The following PFDN5 variants were observed in gnomAD, a reference collection of about 807,000 sequenced individuals.
PFDN5 encodes c-myc binding protein.
PFDN5 carries 13 observed loss-of-function variants against 21.5 expected under a neutral mutation model. The observed-to-expected ratio is 0.60, with a 90% CI of 0.39 to 0.96. PFDN5 has a LOEUF of 0.96. Among genes scored for constraint, PFDN5 ranks in the 40% least tolerant of loss-of-function variants. The probability of loss-of-function intolerance (pLI) is 0.00; values close to 1 mark genes in which losing one functional copy is unlikely to be tolerated. For synonymous variants in PFDN5, 84 were observed against 68.9 expected (o/e 1.22, Z -1.08); for missense variants, 188 against 186.2 (o/e 1.01, Z -0.06).
chr12:53,298,837 TA>T, intron 5 of PFDN5: 1 of 174,176 alleles, frequency 5.7e-6, no homozygotes, highest in Non-Finnish European at 1.2e-5. Flanking sequence ...ATCACTGAGT[TA>T]AAGTTTTATT....
chr12:53,297,807 C>G, intron 3 of PFDN5, 43 bp from the exon 4 acceptor site: 1 of 1,454,270 alleles, frequency 6.9e-7, no homozygotes. Context: ...AATCATGGCT[C>G]ATGCTGGGCT....
rs112082696 is a variant in PFDN5 at position 53,295,741 on chromosome 12, G to A, written c.73-98G>A. 3.8e-3 allele frequency: 4,940 copies of A among 1,297,148 alleles called. 145 individuals are homozygous for A. The African/African-American group carries it at 0.065, about 17-fold the overall frequency. 80.4% of individuals were successfully genotyped at this position (1,297,148 alleles called of 1,614,324 possible). A position where few individuals can be genotyped will look rare whatever the true frequency, so the allele number is the denominator to read the frequency against. ...CAAGTTGGCAGCCTACCTTTCCCAG[G>A]CGAAACCTCTATCCGATCCCAGGAC... is the stretch of plus-strand genomic sequence containing the variant. On this transcript the variant is annotated intron_variant, in intron 1 of 5. Transcript: ENST00000334478.
intron 3 of PFDN5, 152 bp from the exon 4 acceptor site, chr12:53,297,698 T>G (rs1246298680): frequency 1.6e-6 from 1 of 630,266 alleles, no homozygotes; most frequent in African/African-American, 1.8e-5. Flanking sequence ...CATTTGGAGT[T>G]ATAGGTATTG....
rs1274039225 is a variant in PFDN5 at position 53,296,289 on chromosome 12, A to G, written c.207+14A>G. ...CTGACGAGTTCTGTATCCTTTCCAC[A>G]GGAACGGCTACCTGCTGCCTTCTCC... On this transcript the variant is annotated intron_variant, in intron 3 of 5. Transcript: ENST00000334478. 1 of 1,598,392 alleles carries G rather than the reference A, an allele frequency of 6.3e-7. No homozygotes were observed. Among genetic ancestry groups the G allele is most frequent in the Admixed American group, 1.7e-5 (1 of 59,208 alleles).
Position 53,298,922 on chromosome 12 carries a change from G to A in PFDN5, c.389-347G>A, listed in dbSNP as rs898162028. 2.3e-5 allele frequency: 5 copies of A among 222,146 alleles called. No individual in the cohort carries two copies. The East Asian group carries it at 6.7e-4, about 30-fold the overall frequency. 13.8% of individuals were successfully genotyped at this position (222,146 alleles called of 1,614,324 possible). A position where few individuals can be genotyped will look rare whatever the true frequency, so the allele number is the denominator to read the frequency against. Reference sequence around the variant, plus strand: ...AGGCCAAGGCAGGTGGATCACCTGAGGTTAGGAGTTCAAGACCAGCCTGGC... The same window carrying A: ...AGGCCAAGGCAGGTGGATCACCTGAAGTTAGGAGTTCAAGACCAGCCTGGC... On this transcript the variant is annotated intron_variant, in intron 5 of 5. Transcript: ENST00000334478.
At chr12:53,297,318 A>C (rs747696485) in intron 3 of PFDN5, 4 of 155,276 alleles carry the variant, frequency 2.6e-5, no homozygotes, top group East Asian at 1.9e-4. Flanking sequence ...AATCCCAGCT[A>C]CTCCGGCGAC....
chr12:53,298,169 A>T lies in PFDN5; in HGVS notation c.388+19A>T, dbSNP rs371441669. The stretch of plus-strand genomic sequence containing the variant: ...AAACAGGGTAAGTTTTTCCTGGGGC[A>T]CCTCTTGACCCTATCTCCATAATAA... On this transcript the variant is annotated intron_variant, in intron 5 of 5. Coordinates refer to ENST00000334478, the MANE Select transcript of PFDN5 (RefSeq NM_002624.4). 12 of 1,435,880 alleles carry T rather than the reference A, an allele frequency of 8.4e-6. No individual in the cohort carries two copies. Among genetic ancestry groups the T allele is most frequent in the Non-Finnish European group, 1.2e-5 (12 of 1,017,342 alleles). The allele number at this position is 1,435,880 out of a possible 1,614,324, so 88.9% of individuals were successfully genotyped here.
At chr12:53,296,168 C>T (rs2121030695) in intron 2 of PFDN5, 76 bp from the exon 3 acceptor site, 2 of 1,266,974 alleles carry the variant, frequency 1.6e-6, no homozygotes, top group East Asian at 2.4e-5. Context: ...GTGCTGTGCC[C>T]TGTTGGAACT....
At chr12:53,295,768 T>C (rs1944142168) in intron 1 of PFDN5, 71 bp from the exon 2 acceptor site, 1 of 1,245,060 alleles carries the variant, frequency 8.0e-7, no homozygotes, top group Non-Finnish European at 1.2e-6. Context: ...TCCCAGGACC[T>C]GCCCCCTCCC....
chr12:53,296,906 C>T (rs557581337), intron 3 of PFDN5: 53 of 154,978 alleles, frequency 3.4e-4, no homozygotes, highest in African/African-American at 1.2e-3. Context: ...AGGCAATAGA[C>T]AAAAATAGGA....
rs1405319244 is a variant in PFDN5, at chr12:53,297,814, G to T, written c.208-36G>T. The T allele has an allele frequency of 3.3e-6, 5 of 1,507,712 alleles. No homozygotes were observed. In the East Asian group the frequency reaches 1.1e-4, roughly 34 times the overall value. 93.4% of individuals were successfully genotyped at this position (1,507,712 alleles called of 1,614,324 possible). A position where few individuals can be genotyped will look rare whatever the true frequency, so the allele number is the denominator to read the frequency against. On this transcript the variant is annotated intron_variant, in intron 3 of 5. Coordinates refer to ENST00000334478, the MANE Select transcript of PFDN5 (RefSeq NM_002624.4). ...GCTGGCGGAATCATGGCTCATGCTGGGCTGGCTAGTTTTTCCCTTAATTCT... is the reference window on the plus strand; with the variant it reads ...GCTGGCGGAATCATGGCTCATGCTGTGCTGGCTAGTTTTTCCCTTAATTCT...
intron 1 of PFDN5, 60 bp from the exon 2 acceptor site, chr12:53,295,779 C>T (rs1024606141): frequency 1.6e-6 from 2 of 1,278,070 alleles, no homozygotes; most frequent in Middle Eastern, 1.8e-4. Flanking sequence ...GCCCCCTCCC[C>T]GGCCGCGCTC....
chr12:53,297,344 G>A (rs1451092709), intron 3 of PFDN5: 1 of 157,856 alleles, frequency 6.3e-6, no homozygotes, highest in Non-Finnish European at 1.4e-5. Flanking sequence ...CAGGAGAATT[G>A]CTTTAACCCG....
At chr12:53,296,118 C>T in intron 2 of PFDN5, 126 bp from the exon 3 acceptor site, 2 of 843,490 alleles carry the variant, frequency 2.4e-6, no homozygotes, top group Non-Finnish European at 4.0e-6. Context: ...TTCCTCTGCT[C>T]CTATTGCCCC....
At chr12:53,298,263 T>C in intron 5 of PFDN5, 113 bp downstream of exon 5, 1 of 702,560 alleles carries the variant, frequency 1.4e-6, no homozygotes, top group South Asian at 1.6e-5. Flanking sequence ...TCTTAGTTTC[T>C]CTTTGGCATC....
Position 53,299,299 on chromosome 12 carries a change from A to T in PFDN5, c.419A>T (p.Gln140Leu), listed in dbSNP as rs769380104. The change falls in exon 6 of 6, where the codon CAG (glutamine) becomes CTG (leucine). Residue 140 changes from glutamine to leucine, a missense_variant. Gln to Leu is a moderately radical substitution (Grantham distance 113). Coordinates refer to ENST00000334478, the MANE Select transcript of PFDN5 (RefSeq NM_002624.4). Reference sequence around the variant, plus strand: ...ATGGAAATGATGAGTCAGAAGATTCAGCAGCTCACAGCCCTGGGGGCAGCT... The same window carrying T: ...ATGGAAATGATGAGTCAGAAGATTCTGCAGCTCACAGCCCTGGGGGCAGCT... ...AVMEMMSQKI[Q>L]QLTALGAAQA... is the part of the protein sequence containing the mutation. 6.2e-7 allele frequency: 1 copy of T among 1,612,922 alleles called. No homozygotes were observed. The highest frequency in any genetic ancestry group is 8.5e-7 in the Non-Finnish European group (1 of 1,179,424).
chr12:53,296,160 G>A lies in PFDN5; in HGVS notation c.176-84G>A, dbSNP rs1453418504. On this transcript the variant is annotated intron_variant, in intron 2 of 5. Coordinates refer to ENST00000334478, the MANE Select transcript of PFDN5 (RefSeq NM_002624.4). ...CGTTCTTTTCACACTGTCTGTGGGT[G>A]CTGTGCCCTGTTGGAACTCTCTTTA... is the stretch of plus-strand genomic sequence containing the variant. 5.2e-6 allele frequency: 6 copies of A among 1,155,134 alleles called. No homozygotes were observed. In the East Asian group the frequency reaches 9.7e-5, roughly 19 times the overall value. 71.6% of individuals were successfully genotyped at this position (1,155,134 alleles called of 1,614,324 possible).
intron 3 of PFDN5, chr12:53,297,495 A>G (rs1944165366): frequency 4.7e-6 from 1 of 214,324 alleles, no homozygotes; most frequent in Non-Finnish European, 9.6e-6. Flanking sequence ...TGAGGGCATT[A>G]AGGGAAATGA....
At chr12:53,297,991 A>G in intron 4 of PFDN5, 54 bp from the exon 5 acceptor site, 2 of 1,564,050 alleles carry the variant, frequency 1.3e-6, no homozygotes, top group South Asian at 2.2e-5. Context: ...TCTAGAGCGC[A>G]GCATGGCCAG....
Sources: gnomAD v4.1 joint callset for allele counts on GRCh38, gnomAD v4.1.1 for gene constraint, MANE v1.5 for transcripts, NCBI Gene and HGNC (gene_info 2026-07-23, HGNC 2026-07-21) for gene names.